TM7SF3: variants seen among roughly 807,000 people sequenced by gnomAD.
TM7SF3 encodes seven span transmembrane protein.
Under a neutral mutation model 65.5 loss-of-function variants are expected in TM7SF3, and 60 were observed. That is an observed-to-expected ratio of 0.92 (90% confidence interval 0.74 to 1.14). The LOEUF is 1.14. Among genes scored for constraint, TM7SF3 ranks in the 50% most tolerant of loss-of-function variants. The pLI, the probability that TM7SF3 is intolerant of heterozygous loss-of-function variation, is 0.00. For missense variants in TM7SF3, 623 were observed against 684.8 expected (o/e 0.91, Z 1.01); for synonymous variants, 264 against 259.6 (o/e 1.02, Z -0.16).
At chr12:27,007,162 G>A (rs1339404844) in intron 1 of TM7SF3, among the ~76,000 whole-genome samples, 5 of 152,156 alleles carry the variant, frequency 3.3e-5, no homozygotes, top group African/African-American at 1.2e-4. Context: ...TCTTCTTCAA[G>A]AAATATACCT....
rs761397267 is a variant in TM7SF3, at chr12:26,999,526, C to G, written c.397G>C (p.Asp133His). The stretch of plus-strand genomic sequence containing the variant: ...AGGGAGGAGAAGACAGAAGGGTTAC[C>G]TCTTTCTGAGTAGGAGAGTAGGATA... ...MAILLSYSER[D>H]PVPGGCNLEF... The change falls in exon 3 of 12, where the codon GAT becomes CAT. Residue 133 changes from aspartate (D) to histidine (H), a missense_variant and splice_region_variant. Coordinates refer to ENST00000343028, the MANE Select transcript of TM7SF3 (RefSeq NM_016551.3). 8.1e-6 allele frequency: 13 copies of G among 1,613,924 alleles called. No individual in the cohort carries two copies. The highest frequency in any genetic ancestry group is 1.0e-5 in the Non-Finnish European group (12 of 1,179,892).
At chr12:26,998,122 C>T (rs1315952444) in intron 3 of TM7SF3, among the ~76,000 whole-genome samples, 1 of 152,106 alleles carries the variant, frequency 6.6e-6, no homozygotes, top group African/African-American at 2.4e-5. Context: ...TGTGAGCCAC[C>T]GTGCCCGGCC....
rs1017719210 is a variant in TM7SF3, at chr12:26,973,911, C to T, written c.*54G>A. Reference sequence around the variant, plus strand: ...TAGACTTGCACCAGAGACTGTTGAACCACTCCAGGCATGAACTCCAAAGCT... The same window carrying T: ...TAGACTTGCACCAGAGACTGTTGAATCACTCCAGGCATGAACTCCAAAGCT... On this transcript the variant is annotated 3_prime_UTR_variant, in exon 12 of 12. Transcript: ENST00000343028. 1.1e-5 allele frequency: 18 copies of T among 1,583,150 alleles called. No individual in the cohort carries two copies. The highest frequency in any genetic ancestry group is 9.0e-5 in the Admixed American group (5 of 55,326).
At chr12:27,013,021 T>C (rs1941308444) in intron 1 of TM7SF3, 1 of 225,408 alleles carries the variant, frequency 4.4e-6, no homozygotes, top group East Asian at 1.4e-4. Context: ...AAAAGTCACC[T>C]GAAATCATCA....
intron 1 of TM7SF3, chr12:27,013,017 C>G (rs1941308114): frequency 4.8e-6 from 1 of 209,744 alleles, no homozygotes; most frequent in South Asian, 4.8e-5. Context: ...AAAAAAAAGT[C>G]ACCTGAAATC....
At chr12:26,999,240 C>T (rs1267073053) in intron 3 of TM7SF3, among the ~76,000 whole-genome samples, 2 of 151,886 alleles carry the variant, frequency 1.3e-5, no homozygotes, top group Non-Finnish European at 2.9e-5. Context: ...ACTAAAAATA[C>T]AAAAAATTAG....
At chr12:27,004,218 A>C (rs1300101372) in intron 1 of TM7SF3, among the ~76,000 whole-genome samples, 3 of 151,760 alleles carry the variant, frequency 2.0e-5, no homozygotes, top group African/African-American at 7.3e-5. Context: ...TTTCAATCTA[A>C]CTCTCAAATA....
At chr12:27,010,494 T>G (rs746220294) in intron 1 of TM7SF3, among the ~76,000 whole-genome samples, 1 of 152,224 alleles carries the variant, frequency 6.6e-6, no homozygotes, top group Non-Finnish European at 1.5e-5. Context: ...AGAAACTCAT[T>G]TAATTTCTGC....
At chr12:26,992,067 A>G (rs1330916221) in intron 5 of TM7SF3, among the ~76,000 whole-genome samples, 3 of 152,160 alleles carry the variant, frequency 2.0e-5, no homozygotes, top group African/African-American at 7.2e-5. Flanking sequence ...CTGAGTAACA[A>G]GTTACTCAGT....
intron 11 of TM7SF3, among the ~76,000 whole-genome samples, chr12:26,974,676 T>C (rs778341087): frequency 4.6e-5 from 7 of 152,308 alleles, no homozygotes; most frequent in South Asian, 4.1e-4. Flanking sequence ...AGTGTAGGTA[T>C]AGGAATGCAT....
chr12:26,979,659 A>G (rs752544529), intron 9 of TM7SF3, 125 bp downstream of exon 9: 107 of 1,069,054 alleles, frequency 1.0e-4, no homozygotes, highest in Non-Finnish European at 1.2e-4. Context: ...CACACCATCA[A>G]TGCAGATTTC....
At chr12:26,980,233 T>A in intron 8 of TM7SF3, 1 of 546,434 alleles carries the variant, frequency 1.8e-6, no homozygotes, top group South Asian at 2.4e-5. Flanking sequence ...CATAATGGGG[T>A]AGGGAGGTAT....
Position 26,972,594 on chromosome 12 carries a change from T to C in TM7SF3, c.*1371A>G, listed in dbSNP as rs1038955575. 2 of 152,084 alleles carry C rather than the reference T, an allele frequency of 1.3e-5. No individual in the cohort carries two copies. The highest frequency in any genetic ancestry group is 4.8e-5 in the African/African-American group (2 of 41,372). The allele number at this position is 152,084 out of a possible 1,614,324, so 9.4% of individuals were successfully genotyped here. ...CAATACCCAGCTAATTTTTGTATTTTTAGTAGAGACAGGGTGTAGTAGTAT... is the reference window on the plus strand; with the variant it reads ...CAATACCCAGCTAATTTTTGTATTTCTAGTAGAGACAGGGTGTAGTAGTAT... On this transcript the variant is annotated 3_prime_UTR_variant, in exon 12 of 12. Transcript: ENST00000343028.
chr12:26,985,507 C>T (rs1290420251), intron 6 of TM7SF3, among the ~76,000 whole-genome samples: 1 of 150,608 alleles, frequency 6.6e-6, no homozygotes, highest in Non-Finnish European at 1.5e-5. Context: ...CGCCTATAAT[C>T]CCAGATACTC....
chr12:26,999,553 C>T lies in TM7SF3; in HGVS notation c.370G>A (p.Ala124Thr), dbSNP rs562320915. Residue 124 changes from alanine to threonine, a missense_variant, in exon 3 of 12, where the codon GCT becomes ACT. Coordinates refer to ENST00000343028, the MANE Select transcript of TM7SF3 (RefSeq NM_016551.3). ...CTTTCTGAGTAGGAGAGTAGGATAG[C>T]CATATTCTGGACAGGCTGTATGCCT... is the stretch of plus-strand genomic sequence containing the variant. The part of the protein sequence containing the change: ...TSGIQPVQNM[A>T]ILLSYSERDP... 6.2e-7 allele frequency: 1 copy of T among 1,614,106 alleles called. No individual in the cohort carries two copies. Among genetic ancestry groups the T allele is most frequent in the East Asian group, 2.2e-5 (1 of 44,880 alleles).
Position 26,985,635 on chromosome 12 carries a change from A to T in TM7SF3, c.869-2776T>A, listed in dbSNP as rs1230044993. ...AGTGAGACTGTCAAAAAAAAAAAAA[A>T]AAAAAAAAAAAAAAAAAATATATAT... On this transcript the variant is annotated intron_variant, in intron 6 of 11. Coordinates refer to ENST00000343028, the MANE Select transcript of TM7SF3 (RefSeq NM_016551.3). Among the ~76,000 whole-genome samples the T allele has an allele frequency of 3.6e-3, 133 of 36,540 alleles. 1 individual carries two copies. The highest frequency in any genetic ancestry group is 0.015 in the African/African-American group (131 of 8,780). 24.0% of individuals were successfully genotyped at this position (36,540 alleles called of 152,430 possible). A position where few individuals can be genotyped will look rare whatever the true frequency, so the allele number is the denominator to read the frequency against.
At chr12:26,995,560 A>T in intron 4 of TM7SF3, 152 bp from the exon 5 acceptor site, 3 of 801,682 alleles carry the variant, frequency 3.7e-6, no homozygotes, top group Non-Finnish European at 6.0e-6. Flanking sequence ...TATTCTGAAG[A>T]AAAGTAATGC....
chr12:26,985,869 A>G (rs1230499952), intron 6 of TM7SF3, among the ~76,000 whole-genome samples: 1 of 98,162 alleles, frequency 1.0e-5, no homozygotes, highest in Non-Finnish European at 1.8e-5. Flanking sequence ...GCTAGAGTGC[A>G]GTGGCGCGAT....
At position 26,973,854 on chromosome 12, in the gene TM7SF3, CAAAG is replaced by C; in HGVS notation, c.*107_*110del. On this transcript the variant is annotated 3_prime_UTR_variant, in exon 12 of 12. Coordinates refer to ENST00000343028, the MANE Select transcript of TM7SF3 (RefSeq NM_016551.3). ...TCAATAAGGGCACCATAATATTATG[CAAAG>C]AACAGATATATATGCCTGATCTCTT... is the stretch of plus-strand genomic sequence containing the variant. 7.4e-7 allele frequency: 1 copy of C among 1,351,916 alleles called. No individual in the cohort carries two copies. Among genetic ancestry groups the C allele is most frequent in the South Asian group, 1.4e-5 (1 of 71,406 alleles). 83.7% of individuals were successfully genotyped at this position (1,351,916 alleles called of 1,614,324 possible).
Sources: allele counts gnomAD v4.1 joint callset (sites outside exome capture counted in the v4.1 genomes callset), GRCh38; gene constraint gnomAD v4.1.1; transcripts MANE v1.5; gene names NCBI Gene and HGNC (gene_info 2026-07-23, HGNC 2026-07-21).